The following LIM2 variants were observed in gnomAD, a reference collection of about 807,000 sequenced individuals.
LIM2 encodes the protein lens fiber membrane intrinsic protein.
Under a neutral mutation model 19.0 loss-of-function variants are expected in LIM2, and 14 were observed. That is an observed-to-expected ratio of 0.74 (90% CI 0.49 to 1.15). The LOEUF (loss-of-function observed/expected upper bound fraction) is 1.15. Among genes scored for constraint, LIM2 ranks in the 50% most tolerant of loss-of-function variants. The probability of loss-of-function intolerance (pLI) is 0.00; values close to 1 mark genes in which losing one functional copy is unlikely to be tolerated. For missense variants in LIM2, 230 were observed against 243.5 expected (o/e 0.94, Z 0.37); for synonymous variants, 78 against 89.6 (o/e 0.87, Z 0.73).
chr19:51,380,271 G>A lies in LIM2; in HGVS notation c.461-9C>T. The A allele has an allele frequency of 1.9e-6, 3 of 1,613,020 alleles. No individual in the cohort carries two copies. The highest frequency in any genetic ancestry group is 2.5e-6 in the Non-Finnish European group (3 of 1,179,590). Reference sequence around the variant, plus strand: ...GCACATGTAGAAAATCCCTGCATGAGAAGAAGTTCAAATTCACCCCCTCAA... The same window carrying A: ...GCACATGTAGAAAATCCCTGCATGAAAAGAAGTTCAAATTCACCCCCTCAA... On this transcript the variant is annotated splice_polypyrimidine_tract_variant and intron_variant, in intron 4 of 4. Coordinates refer to ENST00000596399, the MANE Select transcript of LIM2 (RefSeq NM_001161748.2).
intron 1 of LIM2, 61 bp from the exon 2 acceptor site, chr19:51,387,510 T>G: frequency 3.7e-6 from 6 of 1,604,606 alleles, no homozygotes; most frequent in African/African-American, 2.7e-5. Flanking sequence ...AGGGAGGAAC[T>G]GGGGGGAGAG....
chr19:51,386,136 AT>A, intron 2 of LIM2, among the ~76,000 whole-genome samples: 1 of 151,162 alleles, frequency 6.6e-6, no homozygotes, highest in African/African-American at 2.4e-5. Flanking sequence ...ATTTTTATTT[AT>A]TTTTTAGACA....
intron 2 of LIM2, among the ~76,000 whole-genome samples, chr19:51,385,003 C>T (rs1882055659): frequency 1.3e-5 from 2 of 152,064 alleles, no homozygotes; most frequent in South Asian, 2.1e-4. Flanking sequence ...GCTGGGGCCA[C>T]GGGAGCACAC....
rs572415745 is a variant in LIM2 at position 51,382,339 on chromosome 19, A to C, written c.325+79T>G. 1.1e-4 allele frequency: 173 copies of C among 1,510,826 alleles called. 1 individual carries two copies. In the African/African-American group the frequency reaches 2.2e-3, roughly 20 times the overall value. 93.6% of individuals were successfully genotyped at this position (1,510,826 alleles called of 1,614,324 possible). On this transcript the variant is annotated intron_variant, in intron 3 of 4. Transcript: ENST00000596399. Reference sequence around the variant, plus strand: ...GTGTGAGGAGGAGTAAGGGGTGAGAATGGTGTTGAGGGGTGGGGACAGATT... The same window carrying C: ...GTGTGAGGAGGAGTAAGGGGTGAGACTGGTGTTGAGGGGTGGGGACAGATT...
In LIM2 at chr19:51,380,216, C is replaced by A; in HGVS notation, c.507G>T (p.Leu169=). Residue 169 remains leucine, a synonymous_variant, in exon 5 of 5, where the codon CTG becomes CTT. Transcript: ENST00000596399. ...CAYRVHECRR[L]STPR ...ACATTTGGGCTCAGCGGGGTGTAGA[C>A]AGGCGCCGGCATTCATGCACCCGGT... The A allele has an allele frequency of 6.2e-7, 1 of 1,613,726 alleles. No individual in the cohort carries two copies. The highest frequency in any genetic ancestry group is 8.5e-7 in the Non-Finnish European group (1 of 1,179,876).
At chr19:51,383,185 C>T (rs376072896) in intron 2 of LIM2, among the ~76,000 whole-genome samples, 292 of 152,000 alleles carry the variant, frequency 1.9e-3, no homozygotes, top group African/African-American at 6.6e-3. Context: ...CAGGTGCGCA[C>T]CACCATGCCC....
intron 3 of LIM2, among the ~76,000 whole-genome samples, chr19:51,381,177 G>T (rs1986883884): frequency 6.6e-6 from 1 of 152,080 alleles, no homozygotes; most frequent in South Asian, 2.1e-4. Flanking sequence ...AATTAGCTGG[G>T]TGTGGTGGTG....
At chr19:51,383,025 T>C (rs891092000) in intron 2 of LIM2, among the ~76,000 whole-genome samples, 1 of 141,370 alleles carries the variant, frequency 7.1e-6, no homozygotes, top group Non-Finnish European at 1.5e-5. Context: ...TTTTTTTCTT[T>C]TCTTTTTTTT....
At chr19:51,383,322 A>C (rs1038628279) in intron 2 of LIM2, among the ~76,000 whole-genome samples, 3 of 152,136 alleles carry the variant, frequency 2.0e-5, no homozygotes, top group African/African-American at 7.2e-5. Context: ...GGTGTGAGCC[A>C]CTGCGCCCAG....
chr19:51,383,295 A>T (rs2123668599), intron 2 of LIM2, among the ~76,000 whole-genome samples: 1 of 152,210 alleles, frequency 6.6e-6, no homozygotes, highest in African/African-American at 2.4e-5. Context: ...TTGGCCTCCC[A>T]AAGTGCTGAG....
At position 51,381,928 on chromosome 19, in the gene LIM2, C is replaced by A. The variant is rs142145406; in HGVS notation, c.325+490G>T. 9.3e-4 allele frequency among the ~76,000 whole-genome samples: 141 copies of A among 152,298 alleles called. 11 individuals carry two copies. The East Asian group carries it at 0.015, about 16-fold the overall frequency. On this transcript the variant is annotated intron_variant, in intron 3 of 4. Coordinates refer to ENST00000596399, the MANE Select transcript of LIM2 (RefSeq NM_001161748.2). ...TATTTTTAGTAGAGATGGGGTTTCGCCATGTTGGCCAGGCTAGTCTCAAAC... is the reference window on the plus strand; with the variant it reads ...TATTTTTAGTAGAGATGGGGTTTCGACATGTTGGCCAGGCTAGTCTCAAAC...
chr19:51,382,619 G>A, intron 2 of LIM2, 52 bp from the exon 3 acceptor site: 1 of 1,609,440 alleles, frequency 6.2e-7, no homozygotes, highest in Non-Finnish European at 8.5e-7. Flanking sequence ...CTAAGTGAGA[G>A]ATGCTGCTAC....
At chr19:51,381,671 T>C (rs1445757989) in intron 3 of LIM2, among the ~76,000 whole-genome samples, 1 of 152,166 alleles carries the variant, frequency 6.6e-6, no homozygotes, top group Admixed American at 6.6e-5. Flanking sequence ...TAACTGTAAG[T>C]ATAGCACTTT....
In LIM2 at chr19:51,382,521, G is replaced by T. The variant is rs200121972; in HGVS notation, c.222C>A (p.Cys74Ter). ...TRAFMILSAL[C>*]AISGIIMGIM... ...TGCCCATGATGATGCCGGAGATGGCGCATAGGGCAGACAGGATCATGAAGG... is the reference window on the plus strand; with the variant it reads ...TGCCCATGATGATGCCGGAGATGGCTCATAGGGCAGACAGGATCATGAAGG... The change falls in exon 3 of 5, where the codon TGC becomes TGA. Residue 74 changes from cysteine to a stop codon, truncating the protein, a stop_gained. Transcript: ENST00000596399. LOFTEE classifies it high-confidence loss of function. 2 of 1,613,904 alleles carry T rather than the reference G, an allele frequency of 1.2e-6. No individual in the cohort carries two copies. The highest frequency in any genetic ancestry group is 2.7e-5 in the African/African-American group (2 of 75,004).
intron 1 of LIM2, 83 bp downstream of exon 1, chr19:51,387,836 G>A (rs1289885578): frequency 1.2e-5 from 3 of 257,882 alleles, no homozygotes; most frequent in Non-Finnish European, 2.3e-5. Context: ...AGGACACCAG[G>A]TCCTGGGAGA....
Sources: allele counts gnomAD v4.1 joint callset (sites outside exome capture counted in the v4.1 genomes callset), GRCh38; gene constraint gnomAD v4.1.1; transcripts MANE v1.5; gene names NCBI Gene and HGNC (gene_info 2026-07-23, HGNC 2026-07-21).